Variants in PCDHGA11 observed in about 807,000 individuals in gnomAD.
PCDHGA11 encodes the protein protocadherin gamma subfamily A, 11, also known as protocadherin gamma-A11.
A neutral mutation model predicts 60.4 loss-of-function variants in PCDHGA11; 39 were observed. That is an observed-to-expected ratio of 0.65 (90% CI 0.50 to 0.84). The LOEUF (loss-of-function observed/expected upper bound fraction) is 0.84, where lower values mean the gene tolerates loss of function less well. PCDHGA11 is among the 40% of genes least tolerant of loss of function. PCDHGA11 has a pLI of 0.00. For missense variants in PCDHGA11, 1,165 were observed against 1,197.7 expected (o/e 0.97, Z 0.40); for synonymous variants, 533 against 510.3 (o/e 1.04, Z -0.60).
chr5:141,441,150 T>C (rs1421773650), intron 1 of PCDHGA11: 4 of 152,122 alleles, frequency 2.6e-5, no homozygotes, highest in African/African-American at 7.2e-5. Context: ...ATAATGACAA[T>C]ATCCTAGAGG....
At chr5:141,474,671 A>G (rs2099352865) in intron 1 of PCDHGA11, among the ~76,000 whole-genome samples, 1 of 152,204 alleles carries the variant, frequency 6.6e-6, no homozygotes, top group South Asian at 2.1e-4. Context: ...TACCTAACCT[A>G]TGTGCCTACC....
At chr5:141,445,364 C>T (rs1374418361) in intron 1 of PCDHGA11, among the ~76,000 whole-genome samples, 1 of 152,158 alleles carries the variant, frequency 6.6e-6, no homozygotes, top group African/African-American at 2.4e-5. Flanking sequence ...CAAGTCTGGT[C>T]CTGGGTGGTT....
intron 1 of PCDHGA11, among the ~76,000 whole-genome samples, chr5:141,452,745 GGAA>G (rs2098748194): frequency 6.6e-6 from 1 of 152,054 alleles, no homozygotes; most frequent in Non-Finnish European, 1.5e-5. Flanking sequence ...AGAGAGAGAA[GGAA>G]GAAGGAAGGG....
At position 141,511,227 on chromosome 5, in the gene PCDHGA11, TCTC is replaced by T. The variant is rs2099883680; in HGVS notation, c.*57_*59del. 2 of 1,599,470 alleles carry T rather than the reference TCTC, an allele frequency of 1.3e-6. No homozygotes were observed. Among genetic ancestry groups the T allele is most frequent in the Non-Finnish European group, 1.7e-6 (2 of 1,173,054 alleles). ...CGGCCTCTCCCCAACCAGCCCAGCTTCTCCTTACCTGCACCCAGGCCTCAGAGT... is the reference window on the plus strand; with the variant it reads ...CGGCCTCTCCCCAACCAGCCCAGCTTCTTACCTGCACCCAGGCCTCAGAGT... On this transcript the variant is annotated 3_prime_UTR_variant, in exon 4 of 4. Transcript: ENST00000398587.
rs187713374 is a variant in PCDHGA11, at chr5:141,430,744, C to G, written c.2433+7084C>G. 2.5e-4 allele frequency: 380 copies of G among 1,498,404 alleles called. 1 individual carries two copies. In the African/African-American group the frequency reaches 4.6e-3, roughly 18 times the overall value. The allele number at this position is 1,498,404 out of a possible 1,614,324, so 92.8% of individuals were successfully genotyped here. A position where few individuals can be genotyped will look rare whatever the true frequency, so the allele number is the denominator to read the frequency against. ...GTTAAGGGCAGAATTGAAAATAATTCTGGAGGAAGATAAGAATGATTCCTG... is the reference window on the plus strand; with the variant it reads ...GTTAAGGGCAGAATTGAAAATAATTGTGGAGGAAGATAAGAATGATTCCTG... On this transcript the variant is annotated intron_variant, in intron 1 of 3. Coordinates refer to ENST00000398587, the MANE Select transcript of PCDHGA11 (RefSeq NM_018914.3).
At chr5:141,461,974 C>T (rs2099027742) in intron 1 of PCDHGA11, among the ~76,000 whole-genome samples, 1 of 152,202 alleles carries the variant, frequency 6.6e-6, no homozygotes, top group Non-Finnish European at 1.5e-5. Context: ...CAGGCATATG[C>T]CACCACGCCA....
chr5:141,497,986 G>T (rs1404550601), intron 2 of PCDHGA11, among the ~76,000 whole-genome samples: 1 of 152,176 alleles, frequency 6.6e-6, no homozygotes, highest in Non-Finnish European at 1.5e-5. Context: ...GGAGGCCCCT[G>T]CCCTCAAGGA....
chr5:141,505,259 C>A, intron 2 of PCDHGA11, 134 bp from the exon 3 acceptor site: 1 of 1,500,262 alleles, frequency 6.7e-7, no homozygotes, highest in Non-Finnish European at 8.9e-7. Context: ...GTGCCTCCTA[C>A]CTTGCTGAGA....
In PCDHGA11 at chr5:141,423,758, G is replaced by T. The variant is rs1192987646; in HGVS notation, c.2433+98G>T. Reference sequence around the variant, plus strand: ...CTGTTATGAAAACTGTTTGGGGGGGGGGTGGGGCGGCATATATTTAGTTCA... The same window carrying T: ...CTGTTATGAAAACTGTTTGGGGGGGTGGTGGGGCGGCATATATTTAGTTCA... On this transcript the variant is annotated intron_variant, in intron 1 of 3. Transcript: ENST00000398587. 1.4e-4 allele frequency: 53 copies of T among 366,832 alleles called. 6 individuals carry two copies. The highest frequency in any genetic ancestry group is 3.4e-4 in the South Asian group (4 of 11,762). 22.7% of individuals were successfully genotyped at this position (366,832 alleles called of 1,614,324 possible).
At chr5:141,462,542 T>C (rs910054469) in intron 1 of PCDHGA11, among the ~76,000 whole-genome samples, 1 of 152,222 alleles carries the variant, frequency 6.6e-6, no homozygotes, top group Non-Finnish European at 1.5e-5. Flanking sequence ...AGTGATCTTT[T>C]CTTCTTCAGT....
At chr5:141,504,594 C>T (rs2099839378) in intron 2 of PCDHGA11, among the ~76,000 whole-genome samples, 2 of 140,288 alleles carry the variant, frequency 1.4e-5, no homozygotes, top group South Asian at 4.4e-4. Context: ...GGATTCACAG[C>T]AAGAGGGAAC....
chr5:141,448,179 G>C (rs763996329), intron 1 of PCDHGA11, among the ~76,000 whole-genome samples: 1 of 151,982 alleles, frequency 6.6e-6, no homozygotes, highest in Non-Finnish European at 1.5e-5. Context: ...ATTCATCCCT[G>C]GTTATGTACA....
At chr5:141,426,021 A>G (rs1590662256) in intron 1 of PCDHGA11, among the ~76,000 whole-genome samples, 2 of 152,312 alleles carry the variant, frequency 1.3e-5, no homozygotes, top group East Asian at 3.9e-4. Context: ...AGTTTTCTAA[A>G]TAGACTCAGA....
rs994740663 is a variant in PCDHGA11, at chr5:141,477,022, G to T, written c.2434-17785G>T. ...TATTCGCCTTAGACCTTGTAACCGG[G>T]ATGCTGACAATCAAGGGTCGGCTGG... On this transcript the variant is annotated intron_variant, in intron 1 of 3. Transcript: ENST00000398587. The surrounding 1 kb of genome is among the most constrained non-coding windows in gnomAD (Gnocchi z 4.9). 6.2e-7 allele frequency: 1 copy of T among 1,614,240 alleles called. No homozygotes were observed. Among genetic ancestry groups the T allele is most frequent in the African/African-American group, 1.3e-5 (1 of 75,074 alleles).
chr5:141,439,889 C>T (rs997306014), intron 1 of PCDHGA11: 1 of 152,348 alleles, frequency 6.6e-6, no homozygotes, highest in Admixed American at 6.5e-5. Context: ...CTGGGTAGAA[C>T]CAAGGCGACT....
chr5:141,481,689 C>T (rs1198127143), intron 1 of PCDHGA11, among the ~76,000 whole-genome samples: 1 of 152,102 alleles, frequency 6.6e-6, no homozygotes, highest in Non-Finnish European at 1.5e-5. Context: ...CCTGGTGGCT[C>T]ACGCCTGTAA....
intron 1 of PCDHGA11, among the ~76,000 whole-genome samples, chr5:141,450,375 A>G (rs1338336573): frequency 1.3e-5 from 2 of 152,166 alleles, no homozygotes; most frequent in Non-Finnish European, 2.9e-5. Context: ...GTTTGTTTAT[A>G]TGAAACTGAC....
chr5:141,450,828 TA>T lies in PCDHGA11; in HGVS notation c.2433+27169del, dbSNP rs1427656987. Among the ~76,000 whole-genome samples the T allele has an allele frequency of 7.8e-4, 110 of 141,058 alleles. 1 individual carries two copies. The highest frequency in any genetic ancestry group is 1.8e-3 in the African/African-American group (65 of 36,868). The allele number at this position is 141,058 out of a possible 152,430, so 92.5% of individuals were successfully genotyped here. A position where few individuals can be genotyped will look rare whatever the true frequency, so the allele number is the denominator to read the frequency against. ...TTTATTTATTTAATATTATTATTAT[TA>T]TTTTTTTTTTTTTGAGATGGGGTCT... On this transcript the variant is annotated intron_variant, in intron 1 of 3. Transcript: ENST00000398587.
intron 2 of PCDHGA11, among the ~76,000 whole-genome samples, chr5:141,500,838 GGCTTTT>G (rs2099802886): frequency 6.6e-6 from 1 of 151,878 alleles, no homozygotes. Flanking sequence ...AATGCTAATG[GGCTTTT>G]GCTACATTAG....
Sources: allele counts gnomAD v4.1 joint callset (sites outside exome capture counted in the v4.1 genomes callset), GRCh38; gene constraint gnomAD v4.1.1; non-coding constraint Gnocchi (gnomAD v3.1); transcripts MANE v1.5; gene names NCBI Gene and HGNC (gene_info 2026-07-23, HGNC 2026-07-21).